The following DNAH10 variants were observed in gnomAD, a reference collection of about 807,000 sequenced individuals.
The protein encoded by DNAH10 is dynein axonemal heavy chain 10.
DNAH10 carries 348 observed loss-of-function variants against 506.6 expected under a neutral mutation model. That is an observed-to-expected ratio of 0.69 (90% CI 0.63 to 0.75). The LOEUF is 0.75. Ranked by LOEUF, DNAH10 falls within the 30% of genes least tolerant of loss-of-function variation. The pLI is 0.00. For missense variants in DNAH10, 5,179 were observed against 5,787.1 expected, an observed-to-expected ratio of 0.89 and a Z score of 3.41; for synonymous variants, 2,059 against 2,198.6, an observed-to-expected ratio of 0.94 and a Z score of 1.78.
At chr12:123,889,134 G>C (rs1013007917) in intron 52 of DNAH10, among the ~76,000 whole-genome samples, 1 of 152,126 alleles carries the variant, frequency 6.6e-6, no homozygotes, top group Non-Finnish European at 1.5e-5. Context: ...TCTGCCATGC[G>C]TGTAAACAGC....
chr12:123,837,757 A>T (rs1236853948), intron 28 of DNAH10, among the ~76,000 whole-genome samples: 46 of 135,302 alleles, frequency 3.4e-4, no homozygotes, highest in African/African-American at 1.0e-3. Context: ...AAAAAAAAAA[A>T]TTTTTTTTTT....
chr12:123,875,595 C>A, intron 47 of DNAH10, 104 bp downstream of exon 47: 1 of 1,375,000 alleles, frequency 7.3e-7, no homozygotes, highest in South Asian at 1.4e-5. Context: ...TTAGGGCCCT[C>A]AATACTTTTA....
In DNAH10 at chr12:123,841,465, G is replaced by A. The variant is rs755826282; in HGVS notation, c.5280G>A (p.Thr1760=). 1.1e-5 allele frequency: 18 copies of A among 1,613,822 alleles called. No homozygotes were observed. Among genetic ancestry groups the A allele is most frequent in the African/African-American group, 4.0e-5 (3 of 74,896 alleles). The change falls in exon 30 of 79, where the codon ACG becomes ACA. Residue 1760 remains threonine, a synonymous_variant. Transcript: ENST00000673944. ...AAGGGCGCGTGGAGGACTGGATGAC[G>A]GCAGTTTTGAATGAGATGAGAAGAA... is the stretch of plus-strand genomic sequence containing the variant. ...RAEGRVEDWM[T]AVLNEMRRTN... is the part of the protein sequence containing the mutation.
chr12:123,793,297 C>T (rs759707827), intron 11 of DNAH10, among the ~76,000 whole-genome samples: 30 of 152,086 alleles, frequency 2.0e-4, no homozygotes, highest in Admixed American at 7.9e-4. Flanking sequence ...ACTTGCGCCC[C>T]CTATTTTCAG....
chr12:123,851,325 C>T (rs1379533961), intron 35 of DNAH10, among the ~76,000 whole-genome samples: 2 of 142,342 alleles, frequency 1.4e-5, no homozygotes, highest in Admixed American at 6.9e-5. Flanking sequence ...GTGTTAGCTC[C>T]ATGTGGCTCT....
At chr12:123,813,677 G>GT (rs1565937767) in intron 20 of DNAH10, 37 bp downstream of exon 20, 4 of 1,612,782 alleles carry the variant, frequency 2.5e-6, no homozygotes, top group South Asian at 1.1e-5. Flanking sequence ...ACTACTTTTC[G>GT]TGTAAGTTGG....
intron 51 of DNAH10, among the ~76,000 whole-genome samples, chr12:123,886,595 G>A (rs1952744129): frequency 6.6e-6 from 1 of 152,144 alleles, no homozygotes; most frequent in Non-Finnish European, 1.5e-5. Flanking sequence ...GAGTGTGACA[G>A]TGTGAGTGAA....
chr12:123,771,439 T>C (rs1286112129), intron 2 of DNAH10, among the ~76,000 whole-genome samples, 162 bp from the exon 3 acceptor site: 1 of 152,058 alleles, frequency 6.6e-6, no homozygotes, highest in Admixed American at 6.6e-5. Context: ...ACAATGTGAG[T>C]CAAGGCCACA....
At chr12:123,789,871 A>G in intron 10 of DNAH10, 56 bp from the exon 11 acceptor site, 3 of 1,500,588 alleles carry the variant, frequency 2.0e-6, no homozygotes, top group South Asian at 1.2e-5. Context: ...TTGTAGTTCT[A>G]ATATTCACAG....
chr12:123,817,039 T>C (rs1398091303), intron 21 of DNAH10, among the ~76,000 whole-genome samples: 1 of 152,166 alleles, frequency 6.6e-6, no homozygotes, highest in Non-Finnish European at 1.5e-5. Context: ...CTCTATTGTT[T>C]TGACGGAGGA....
In DNAH10 at chr12:123,935,449, C is replaced by T; in HGVS notation, c.13738C>T (p.Gln4580Ter). ...TTRHISHWVL[Q>*]GVCLTLNSD ...GAGGCACATTTCTCACTGGGTGCTG[C>T]AAGGAGTATGCCTCACCCTGAATTC... Residue 4580 changes from glutamine to a stop codon, truncating the protein, a stop_gained, in exon 79 of 79, where the codon CAA becomes TAA. Transcript: ENST00000673944. LOFTEE classifies it high-confidence loss of function. 6.2e-7 allele frequency: 1 copy of T among 1,606,278 alleles called. No homozygotes were observed. The highest frequency in any genetic ancestry group is 8.5e-7 in the Non-Finnish European group (1 of 1,173,366).
At chr12:123,801,245 C>T (rs371105545) in intron 15 of DNAH10, 36 bp from the exon 16 acceptor site, 33 of 1,596,178 alleles carry the variant, frequency 2.1e-5, no homozygotes, top group Non-Finnish European at 2.8e-5. Context: ...CTTAAAGGTG[C>T]TCTCCTCAGG....
At chr12:123,843,873 C>T (rs886596895) in intron 30 of DNAH10, among the ~76,000 whole-genome samples, 5 of 152,216 alleles carry the variant, frequency 3.3e-5, no homozygotes, top group Admixed American at 6.5e-5. Flanking sequence ...CCAAAGCATT[C>T]GGCCTCCTAC....
intron 19 of DNAH10, among the ~76,000 whole-genome samples, chr12:123,809,882 G>A (rs1216417775): frequency 6.6e-6 from 1 of 152,092 alleles, no homozygotes; most frequent in Non-Finnish European, 1.5e-5. Flanking sequence ...CCTCCAGCAG[G>A]CACCATGGGT....
chr12:123,828,937 A>G (rs1460106129), intron 25 of DNAH10, among the ~76,000 whole-genome samples: 17 of 152,196 alleles, frequency 1.1e-4, no homozygotes, highest in Non-Finnish European at 2.5e-4. Context: ...ACTCTCTCCC[A>G]GTGACTCAGG....
At chr12:123,855,122 G>T (rs924345139) in intron 36 of DNAH10, among the ~76,000 whole-genome samples, 6 of 152,168 alleles carry the variant, frequency 3.9e-5, no homozygotes, top group Non-Finnish European at 8.8e-5. Context: ...GCAATCCCCG[G>T]GGCTCCTGTG....
Position 123,918,758 on chromosome 12 carries a change from G to A in DNAH10, c.11315G>A (p.Arg3772Lys), listed in dbSNP as rs752870523. 3 of 1,608,706 alleles carry A rather than the reference G, an allele frequency of 1.9e-6. No homozygotes were observed. In the Admixed American group the frequency reaches 5.0e-5, roughly 27 times the overall value. Residue 3772 changes from arginine to lysine, a missense_variant, in exon 65 of 79, where the codon AGG becomes AAG. Coordinates refer to ENST00000673944, the MANE Select transcript of DNAH10 (RefSeq NM_001372106.1). ...GATGGCTACCGGCCAGCAGCCAGGA[G>A]GGGGGCCATCCTGTTCTTCGTCCTG... The part of the protein sequence containing the change: ...LRDGYRPAAR[R>K]GAILFFVLSE...
At chr12:123,905,606 T>A (rs1953738727) in intron 57 of DNAH10, among the ~76,000 whole-genome samples, 1 of 152,132 alleles carries the variant, frequency 6.6e-6, no homozygotes, top group African/African-American at 2.4e-5. Flanking sequence ...TTTGCATTTC[T>A]CTTAGTGTGA....
rs780841636 is a variant in DNAH10 at position 123,933,521 on chromosome 12, G to A, written c.13477+10G>A. 3 of 1,580,310 alleles carry A rather than the reference G, an allele frequency of 1.9e-6. No individual in the cohort carries two copies. The highest frequency in any genetic ancestry group is 2.7e-5 in the African/African-American group (2 of 73,816). ...GAGCGGGCGGGACAAGGTACCGTCA[G>A]CTCGTTAGGGATCCACAGCCTCTCA... is the stretch of plus-strand genomic sequence containing the variant. On this transcript the variant is annotated intron_variant, in intron 77 of 78. Transcript: ENST00000673944.
Sources: allele counts gnomAD v4.1 joint callset (sites outside exome capture counted in the v4.1 genomes callset), GRCh38; gene constraint gnomAD v4.1.1; transcripts MANE v1.5; gene names NCBI Gene and HGNC (gene_info 2026-07-23, HGNC 2026-07-21).